The following RMDN2 variants were observed in gnomAD, a reference collection of about 807,000 sequenced individuals.
RMDN2 encodes regulator of microtubule dynamics protein 2.
Under a neutral mutation model 52.8 loss-of-function variants are expected in RMDN2, and 61 were observed. That is an observed-to-expected ratio of 1.16 (90% CI 0.94 to 1.43). The LOEUF (loss-of-function observed/expected upper bound fraction) is 1.43. Among genes scored for constraint, RMDN2 ranks in the 40% most tolerant of loss-of-function variants. RMDN2 has a pLI of 0.00. For missense variants in RMDN2, 592 were observed against 475.3 expected, an observed-to-expected ratio of 1.25 and a Z score of -2.28; for synonymous variants, 180 against 153.1, an observed-to-expected ratio of 1.18 and a Z score of -1.30.
intron 2 of RMDN2, among the ~76,000 whole-genome samples, chr2:37,933,195 C>G (rs1404450937): frequency 2.0e-5 from 3 of 151,970 alleles, no homozygotes; most frequent in African/African-American, 7.3e-5. Flanking sequence ...AGAGATGCTC[C>G]TCACTTCCCA....
chr2:37,930,700 C>T lies in RMDN2; in HGVS notation c.452+971C>T, dbSNP rs544581807. On this transcript the variant is annotated intron_variant, in intron 2 of 10. Transcript: ENST00000354545. ...TGGGTGAGCAGAGAGGCCCCCAACC[C>T]TGGATGGAACCCACATTCCCCAAAG... is the stretch of plus-strand genomic sequence containing the variant. Among the ~76,000 whole-genome samples, 188 of 152,324 alleles carry T rather than the reference C, an allele frequency of 1.2e-3. 2 individuals carry two copies. The highest frequency in any genetic ancestry group is 0.011 in the Admixed American group (169 of 15,306).
rs114692420 is a variant in RMDN2 at position 37,954,787 on chromosome 2, T to C, written c.453-19253T>C. Among the ~76,000 whole-genome samples, 164 of 152,270 alleles carry C rather than the reference T, an allele frequency of 1.1e-3. 2 individuals carry two copies. Among genetic ancestry groups the C allele is most frequent in the Middle Eastern group, 3.4e-3 (1 of 294 alleles). On this transcript the variant is annotated intron_variant, in intron 2 of 10. Transcript: ENST00000354545. ...GATTGCATTGCATCTGTAGATTATTTTGGGTAGGATTGACATCTTAACATT... is the reference window on the plus strand; with the variant it reads ...GATTGCATTGCATCTGTAGATTATTCTGGGTAGGATTGACATCTTAACATT...
intron 10 of RMDN2, among the ~76,000 whole-genome samples, chr2:38,050,573 C>T (rs1389992890): frequency 3.3e-5 from 5 of 152,096 alleles, no homozygotes; most frequent in African/African-American, 1.2e-4. Context: ...GAAAAGCTGA[C>T]CTAGATATCC....
intron 2 of RMDN2, chr2:37,950,719 C>T (rs1442242307): frequency 2.2e-6 from 2 of 914,160 alleles, no homozygotes; most frequent in Non-Finnish European, 3.6e-6. Flanking sequence ...CAGATATTCA[C>T]TTGAAACATT....
intron 8 of RMDN2, among the ~76,000 whole-genome samples, chr2:37,999,243 C>G (rs1277406556): frequency 2.0e-5 from 3 of 152,144 alleles, no homozygotes; most frequent in Non-Finnish European, 4.4e-5. Context: ...CTACCACTTA[C>G]CAGCTGATTA....
At chr2:37,977,607 G>A (rs1438994584) in intron 4 of RMDN2, among the ~76,000 whole-genome samples, 2 of 151,660 alleles carry the variant, frequency 1.3e-5, no homozygotes, top group East Asian at 3.9e-4. Flanking sequence ...TTCTCAGACC[G>A]GGCGGCCGCT....
At chr2:37,951,911 CAATG>C in intron 2 of RMDN2, 1 of 1,613,178 alleles carries the variant, frequency 6.2e-7, no homozygotes, top group Admixed American at 1.7e-5. Context: ...ATGGAATTGC[CAATG>C]ATATTCAACA....
chr2:38,003,932 G>C, intron 8 of RMDN2, 59 bp from the exon 9 acceptor site: 3 of 1,225,854 alleles, frequency 2.4e-6, no homozygotes, highest in Non-Finnish European at 3.6e-6. Flanking sequence ...CTCTTCACTT[G>C]TGGTTACTGT....
intron 2 of RMDN2, among the ~76,000 whole-genome samples, chr2:37,945,035 A>G (rs1438282600): frequency 6.6e-6 from 1 of 152,228 alleles, no homozygotes; most frequent in African/African-American, 2.4e-5. Flanking sequence ...AAGAAAGAAT[A>G]GTATCACTTG....
intron 10 of RMDN2, among the ~76,000 whole-genome samples, chr2:38,040,050 T>TTATTATTAA (rs1014298027): frequency 1.5e-5 from 2 of 134,066 alleles, no homozygotes; most frequent in Non-Finnish European, 3.3e-5. Flanking sequence ...AGATTCATTA[T>TTATTATTAA]TATTATTATT....
intron 2 of RMDN2, among the ~76,000 whole-genome samples, chr2:37,973,532 T>C (rs1272006858): frequency 6.6e-6 from 1 of 152,156 alleles, no homozygotes; most frequent in Non-Finnish European, 1.5e-5. Flanking sequence ...TAGTAAATTA[T>C]ACAGTATGTT....
intron 3 of RMDN2, 179 bp from the exon 4 acceptor site, chr2:37,975,033 C>T (rs1018093690): frequency 8.4e-6 from 5 of 593,198 alleles, no homozygotes; most frequent in Admixed American, 6.2e-5. Context: ...GGTCATATTT[C>T]TTAGCCATGA....
At chr2:38,041,427 GTT>G (rs3057329) in intron 10 of RMDN2, among the ~76,000 whole-genome samples, 3 of 120,088 alleles carry the variant, frequency 2.5e-5, no homozygotes, top group African/African-American at 9.5e-5. Flanking sequence ...TTTTTTATTG[GTT>G]TTTTTTTTTT....
chr2:37,936,775 T>C (rs1375740406), intron 2 of RMDN2, among the ~76,000 whole-genome samples: 1 of 152,236 alleles, frequency 6.6e-6, no homozygotes, highest in African/African-American at 2.4e-5. Flanking sequence ...TTAAGTTCCT[T>C]GTAGATACTT....
intron 2 of RMDN2, among the ~76,000 whole-genome samples, chr2:37,933,396 G>C (rs1667010425): frequency 6.6e-6 from 1 of 152,212 alleles, no homozygotes; most frequent in African/African-American, 2.4e-5. Flanking sequence ...CTGCAATCTC[G>C]GCACTTTGGG....
At chr2:38,028,063 C>G (rs574103894) in intron 10 of RMDN2, 1 of 152,232 alleles carries the variant, frequency 6.6e-6, no homozygotes, top group African/African-American at 2.4e-5. Flanking sequence ...TTCTTCAGTC[C>G]TCAGAGCTCA....
intron 10 of RMDN2, among the ~76,000 whole-genome samples, chr2:38,042,147 T>G (rs557720374): frequency 6.6e-6 from 1 of 152,338 alleles, no homozygotes; most frequent in East Asian, 1.9e-4. Context: ...TACTTTAAAT[T>G]ATTTATTTCT....
At chr2:37,993,185 A>G (rs567477600) in intron 7 of RMDN2, among the ~76,000 whole-genome samples, 21 of 152,268 alleles carry the variant, frequency 1.4e-4, no homozygotes, top group African/African-American at 4.6e-4. Context: ...TCGGCCTCCC[A>G]AAATGCTGGG....
chr2:38,007,571 T>A (rs1677292611), intron 10 of RMDN2, among the ~76,000 whole-genome samples: 1 of 152,238 alleles, frequency 6.6e-6, no homozygotes, highest in Non-Finnish European at 1.5e-5. Context: ...TCATTTTTTA[T>A]TGCGTCTATT....
Sources: gnomAD v4.1 joint callset for allele counts (sites outside exome capture counted in the v4.1 genomes callset) on GRCh38, gnomAD v4.1.1 for gene constraint, MANE v1.5 for transcripts, NCBI Gene and HGNC (gene_info 2026-07-23, HGNC 2026-07-21) for gene names.